SCTR: variants seen among roughly 807,000 people sequenced by gnomAD.
SCTR encodes pancreatic secretin receptor.
SCTR carries 56 observed loss-of-function variants against 60.8 expected under a neutral mutation model. The observed-to-expected ratio is 0.92, with a 90% CI of 0.74 to 1.15. SCTR has a LOEUF of 1.15. Ranked by LOEUF, SCTR falls within the 50% of genes most tolerant of loss-of-function variation. The probability of loss-of-function intolerance (pLI) is 0.00; values close to 1 mark genes in which losing one functional copy is unlikely to be tolerated. For missense variants in SCTR, 562 were observed against 550.4 expected, an observed-to-expected ratio of 1.02 and a Z score of -0.21; for synonymous variants, 202 against 217.0, an observed-to-expected ratio of 0.93 and a Z score of 0.61.
chr2:119,470,087 A>C (rs1271758060), intron 4 of SCTR, among the ~76,000 whole-genome samples: 2 of 152,198 alleles, frequency 1.3e-5, no homozygotes, highest in Non-Finnish European at 2.9e-5. Flanking sequence ...GCTGTGTTCC[A>C]ATAAAACTTT....
At chr2:119,499,805 A>G (rs1678473740) in intron 1 of SCTR, among the ~76,000 whole-genome samples, 1 of 152,158 alleles carries the variant, frequency 6.6e-6, no homozygotes. Context: ...ATCCAAAAAA[A>G]ACCTACAGCT....
intron 11 of SCTR, 59 bp from the exon 12 acceptor site, chr2:119,441,658 A>C: frequency 7.0e-7 from 1 of 1,436,458 alleles, no homozygotes. Flanking sequence ...GGCCTGAACC[A>C]GCTGGCCAGC....
At chr2:119,512,328 C>CCCTTCT in intron 1 of SCTR, among the ~76,000 whole-genome samples, 1 of 82,382 alleles carries the variant, frequency 1.2e-5, no homozygotes, top group South Asian at 7.0e-4. Flanking sequence ...CTTCCCCTTC[C>CCCTTCT]CCTTCCCCTT....
At chr2:119,457,551 T>G (rs1453031755) in intron 7 of SCTR, among the ~76,000 whole-genome samples, 1 of 151,610 alleles carries the variant, frequency 6.6e-6, no homozygotes, top group African/African-American at 2.4e-5. Flanking sequence ...GTCTCTACAA[T>G]AAATGTAAAA....
At chr2:119,463,759 A>G (rs1683709357) in intron 6 of SCTR, among the ~76,000 whole-genome samples, 2 of 152,124 alleles carry the variant, frequency 1.3e-5, no homozygotes, top group African/African-American at 4.8e-5. Context: ...TTTTCTTTTT[A>G]TGACCAACCC....
At chr2:119,488,088 G>T (rs1184574511) in intron 2 of SCTR, among the ~76,000 whole-genome samples, 1 of 152,254 alleles carries the variant, frequency 6.6e-6, no homozygotes, top group African/African-American at 2.4e-5. Context: ...CAGTGGGGCA[G>T]ATCTGAAGAC....
In SCTR at chr2:119,440,114, C is replaced by G. The variant is rs1317808381; in HGVS notation, c.*3G>C. ...TGTCCGTGGGTGACCCTGCTCCAGC[C>G]TCTCAGATGATGCTGGTCCTGCAGG... On this transcript the variant is annotated 3_prime_UTR_variant, in exon 13 of 13. Transcript: ENST00000019103. 1 of 1,613,220 alleles carries G rather than the reference C, an allele frequency of 6.2e-7. No homozygotes were observed. Among genetic ancestry groups the G allele is most frequent in the South Asian group, 1.1e-5 (1 of 90,944 alleles).
At chr2:119,496,308 T>C (rs1302690560) in intron 1 of SCTR, among the ~76,000 whole-genome samples, 3 of 152,194 alleles carry the variant, frequency 2.0e-5, no homozygotes, top group Admixed American at 2.0e-4. Flanking sequence ...TTTTAAGTAA[T>C]TTAAGGAATT....
chr2:119,441,931 G>T (rs547972079), intron 11 of SCTR, among the ~76,000 whole-genome samples: 2 of 152,174 alleles, frequency 1.3e-5, no homozygotes, highest in Non-Finnish European at 2.9e-5. Flanking sequence ...CCTGAAGTCC[G>T]CCCACTCTGC....
chr2:119,478,028 T>A (rs1677413640), intron 3 of SCTR, among the ~76,000 whole-genome samples: 1 of 152,254 alleles, frequency 6.6e-6, no homozygotes, highest in Non-Finnish European at 1.5e-5. Context: ...TGAACCGTGG[T>A]CATCTTTGCC....
chr2:119,490,442 C>A (rs1205762836), intron 2 of SCTR, among the ~76,000 whole-genome samples: 2 of 152,236 alleles, frequency 1.3e-5, no homozygotes, highest in African/African-American at 4.8e-5. Flanking sequence ...TCTCCTGGTG[C>A]AACCTCAGCC....
Position 119,512,838 on chromosome 2 carries a change from G to A in SCTR, c.72+11317C>T, listed in dbSNP as rs536096127. Among the ~76,000 whole-genome samples, 10 of 152,090 alleles carry A rather than the reference G, an allele frequency of 6.6e-5. No individual in the cohort carries two copies. The South Asian group carries it at 2.1e-3, about 32-fold the overall frequency. On this transcript the variant is annotated intron_variant, in intron 1 of 12. Coordinates refer to ENST00000019103, the MANE Select transcript of SCTR (RefSeq NM_002980.3). ...TTCTATAGCATCCTTTTCTAGTTTT[G>A]TGGCTCAGGCATCATTTTCACAAAG...
At chr2:119,512,300 C>A (rs1340338173) in intron 1 of SCTR, among the ~76,000 whole-genome samples, 2 of 143,832 alleles carry the variant, frequency 1.4e-5, no homozygotes, top group Non-Finnish European at 3.0e-5. Context: ...TCTTCTTCCT[C>A]TTCCTCTTCC....
intron 4 of SCTR, among the ~76,000 whole-genome samples, chr2:119,470,126 T>C (rs764228329): frequency 4.6e-5 from 7 of 152,212 alleles, no homozygotes; most frequent in Admixed American, 1.3e-4. Context: ...TGGAGCCTCA[T>C]TGGGTCCAAG....
intron 4 of SCTR, among the ~76,000 whole-genome samples, chr2:119,470,121 C>T (rs1480968582): frequency 1.3e-5 from 2 of 152,122 alleles, no homozygotes; most frequent in East Asian, 3.9e-4. Context: ...GGCAGTGGAG[C>T]CTCATTGGGT....
At chr2:119,462,108 C>A in intron 6 of SCTR, 108 bp from the exon 7 acceptor site, 4 of 1,084,566 alleles carry the variant, frequency 3.7e-6, no homozygotes, top group Non-Finnish European at 3.9e-6. Context: ...AGCCAGGCCA[C>A]AAGAGCGGGC....
chr2:119,470,632 G>A (rs533638482), intron 4 of SCTR, among the ~76,000 whole-genome samples: 14 of 152,298 alleles, frequency 9.2e-5, no homozygotes, highest in East Asian at 3.9e-4. Context: ...TGGCATGAAC[G>A]TTGTGGTTAA....
chr2:119,509,934 C>T (rs1265170430), intron 1 of SCTR, among the ~76,000 whole-genome samples: 2 of 152,046 alleles, frequency 1.3e-5, no homozygotes, highest in African/African-American at 2.4e-5. Context: ...TCGCTTGTTT[C>T]GCTCAGCACA....
chr2:119,447,691 C>T (rs1220534131), intron 10 of SCTR, among the ~76,000 whole-genome samples: 1 of 152,218 alleles, frequency 6.6e-6, no homozygotes, highest in Non-Finnish European at 1.5e-5. Flanking sequence ...CCTATCTCAG[C>T]CTCCCGAGTA....
Sources: allele counts gnomAD v4.1 joint callset (sites outside exome capture counted in the v4.1 genomes callset), GRCh38; gene constraint gnomAD v4.1.1; transcripts MANE v1.5; gene names NCBI Gene and HGNC (gene_info 2026-07-23, HGNC 2026-07-21).